Variants in EYS observed in about 807,000 individuals in gnomAD.
EYS encodes the protein protein eyes shut homolog.
Under a neutral mutation model 282.1 loss-of-function variants are expected in EYS, and 250 were observed. That is an observed-to-expected ratio of 0.89 (90% CI 0.80 to 0.98). The LOEUF (loss-of-function observed/expected upper bound fraction) is 0.98, where lower values mean the gene tolerates loss of function less well. Ranked by LOEUF, EYS falls within the 50% of genes least tolerant of loss-of-function variation. The probability of loss-of-function intolerance (pLI) is 0.00; values close to 1 mark genes in which losing one functional copy is unlikely to be tolerated. For synonymous variants in EYS, 1,355 were observed against 1,282.9 expected, an observed-to-expected ratio of 1.06 and a Z score of -1.20; for missense variants, 4,016 against 3,709.0, an observed-to-expected ratio of 1.08 and a Z score of -2.15.
intron 35 of EYS, among the ~76,000 whole-genome samples, chr6:63,883,447 T>C (rs531058072): frequency 2.0e-5 from 3 of 152,256 alleles, no homozygotes; most frequent in South Asian, 2.1e-4. Context: ...AGGAGCAGAG[T>C]CAATGCCCCA....
chr6:64,296,423 A>C (rs996001179), intron 30 of EYS, among the ~76,000 whole-genome samples: 2 of 151,890 alleles, frequency 1.3e-5, no homozygotes, highest in African/African-American at 4.8e-5. Context: ...ATGCTATGCT[A>C]TATTATTCAT....
At chr6:64,345,392 T>G (rs143623635) in intron 29 of EYS, among the ~76,000 whole-genome samples, 1 of 151,922 alleles carries the variant, frequency 6.6e-6, no homozygotes, top group Non-Finnish European at 1.5e-5. Context: ...TCAGAAATAA[T>G]GCTGCATATC....
intron 6 of EYS, among the ~76,000 whole-genome samples, chr6:65,403,985 GCAA>G (rs201061473): frequency 7.9e-5 from 12 of 151,858 alleles, no homozygotes; most frequent in Non-Finnish European, 1.0e-4. Context: ...GTAGCTTGAA[GCAA>G]CAACAACAAC....
intron 13 of EYS, among the ~76,000 whole-genome samples, chr6:65,047,187 G>A (rs1406879374): frequency 6.7e-6 from 1 of 150,222 alleles, no homozygotes; most frequent in African/African-American, 2.5e-5. Context: ...ATTATAAATT[G>A]TTATTTTTCT....
intron 36 of EYS, among the ~76,000 whole-genome samples, chr6:63,814,429 G>C (rs527744709): frequency 3.1e-4 from 47 of 152,144 alleles, no homozygotes; most frequent in Non-Finnish European, 4.4e-5. Flanking sequence ...AAATAAATAT[G>C]ATTGGTTGGT....
intron 13 of EYS, among the ~76,000 whole-genome samples, chr6:65,038,720 A>T (rs908248774): frequency 2.0e-5 from 3 of 151,388 alleles, no homozygotes; most frequent in African/African-American, 7.3e-5. Context: ...AGTGTGTGAG[A>T]CTTTGAGTTA....
At chr6:64,889,461 C>T (rs1164150000) in intron 18 of EYS, among the ~76,000 whole-genome samples, 2 of 151,824 alleles carry the variant, frequency 1.3e-5, no homozygotes, top group Non-Finnish European at 2.9e-5. Flanking sequence ...TGAATTTTGC[C>T]TTTTGAACCC....
At chr6:64,737,181 A>G (rs1351125817) in intron 22 of EYS, among the ~76,000 whole-genome samples, 2 of 152,210 alleles carry the variant, frequency 1.3e-5, no homozygotes, top group African/African-American at 4.8e-5. Flanking sequence ...ACTGTGATAT[A>G]AAAAGTTTCT....
chr6:64,383,582 C>A (rs1281912744), intron 29 of EYS, among the ~76,000 whole-genome samples: 3 of 152,112 alleles, frequency 2.0e-5, no homozygotes, highest in African/African-American at 7.2e-5. Flanking sequence ...GGTAGTGAAA[C>A]CTTGATGTCT....
At chr6:63,834,120 T>G (rs2149693402) in intron 36 of EYS, among the ~76,000 whole-genome samples, 1 of 152,264 alleles carries the variant, frequency 6.6e-6, no homozygotes, top group South Asian at 2.1e-4. Context: ...GAAGAAAACC[T>G]AGGCAATACC....
intron 2 of EYS, among the ~76,000 whole-genome samples, chr6:65,578,220 T>C (rs1362544957): frequency 2.0e-5 from 3 of 151,238 alleles, no homozygotes; most frequent in Non-Finnish European, 4.4e-5. Context: ...TATATATATA[T>C]ACACACAATA....
intron 33 of EYS, among the ~76,000 whole-genome samples, chr6:64,005,048 C>T (rs1768279357): frequency 1.3e-5 from 2 of 152,164 alleles, no homozygotes; most frequent in South Asian, 4.1e-4. Flanking sequence ...AAACTTCTTT[C>T]CACAATGGCT....
intron 40 of EYS, among the ~76,000 whole-genome samples, chr6:63,768,089 C>CTAAA (rs1204595030): frequency 2.0e-5 from 3 of 147,360 alleles, no homozygotes; most frequent in Non-Finnish European, 4.5e-5. Context: ...TCAATATGGA[C>CTAAA]TAAAGACTTT....
At chr6:64,978,116 G>C (rs1344135083) in intron 14 of EYS, among the ~76,000 whole-genome samples, 1 of 151,910 alleles carries the variant, frequency 6.6e-6, no homozygotes, top group Non-Finnish European at 1.5e-5. Context: ...TCTGTCAGAA[G>C]AAGATGCTAT....
At chr6:65,279,073 A>G (rs1183427331) in intron 12 of EYS, among the ~76,000 whole-genome samples, 1 of 152,046 alleles carries the variant, frequency 6.6e-6, no homozygotes, top group Non-Finnish European at 1.5e-5. Flanking sequence ...CTGTAGTCCT[A>G]GCTAATCAGG....
intron 36 of EYS, among the ~76,000 whole-genome samples, chr6:63,826,342 C>T (rs1257925595): frequency 6.6e-6 from 1 of 152,110 alleles, no homozygotes. Flanking sequence ...GAAAACTTTC[C>T]CAGCCTTGCT....
At chr6:63,753,587 A>G (rs191852328) in intron 41 of EYS, among the ~76,000 whole-genome samples, 5 of 152,270 alleles carry the variant, frequency 3.3e-5, no homozygotes, top group Non-Finnish European at 5.9e-5. Flanking sequence ...TAATAAAACC[A>G]TCAGATCTCA....
chr6:64,742,581 A>G (rs1772414112), intron 22 of EYS, among the ~76,000 whole-genome samples: 1 of 152,188 alleles, frequency 6.6e-6, no homozygotes, highest in Non-Finnish European at 1.5e-5. Context: ...TTCTTCACAT[A>G]CACACAAGTA....
At chr6:64,898,643 A>G (rs1767552145) in intron 18 of EYS, among the ~76,000 whole-genome samples, 1 of 151,518 alleles carries the variant, frequency 6.6e-6, no homozygotes, top group African/African-American at 2.4e-5. Flanking sequence ...GCCCCAGTTA[A>G]AAGGCACAGA....
Sources: gnomAD v4.1 joint callset for allele counts (sites outside exome capture counted in the v4.1 genomes callset) on GRCh38, gnomAD v4.1.1 for gene constraint, MANE v1.5 for transcripts, NCBI Gene and HGNC (gene_info 2026-07-23, HGNC 2026-07-21) for gene names.